The following PACSIN1 variants were observed in gnomAD, a reference collection of about 807,000 sequenced individuals.
The protein encoded by PACSIN1 is protein kinase C and casein kinase substrate in neurons 1.
PACSIN1 carries 15 observed loss-of-function variants against 59.5 expected under a neutral mutation model. That is an observed-to-expected ratio of 0.25 (90% CI 0.17 to 0.39). PACSIN1 has a LOEUF of 0.39. Among genes scored for constraint, PACSIN1 ranks in the 10% least tolerant of loss-of-function variants. The pLI is 1.00. For synonymous variants in PACSIN1, 210 were observed against 220.6 expected (o/e 0.95, Z 0.42); for missense variants, 420 against 580.2 (o/e 0.72, Z 2.84).
At chr6:34,496,774 A>C (rs1766953376) in intron 1 of PACSIN1, among the ~76,000 whole-genome samples, 1 of 152,124 alleles carries the variant, frequency 6.6e-6, no homozygotes, top group African/African-American at 2.4e-5. Context: ...TGTGGTCCCC[A>C]AGTTTTGTGG....
chr6:34,530,495 G>C lies in PACSIN1; in HGVS notation c.945G>C (p.Lys315Asn). 1 of 1,608,538 alleles carries C rather than the reference G, an allele frequency of 6.2e-7. No individual in the cohort carries two copies. The highest frequency in any genetic ancestry group is 8.5e-7 in the Non-Finnish European group (1 of 1,177,544). ...WNPDLPHTTT[K>N]KEKQPKKAEG... The stretch of plus-strand genomic sequence containing the variant: ...CAGACCTTCCTCACACCACCACCAA[G>C]AAGGAGAAACAGCCTAAGAAGGCAG... The change falls in exon 8 of 10, where the codon AAG becomes AAC. Residue 315 changes from lysine (K) to asparagine (N), a missense_variant. Physicochemically the swap from Lys to Asn is moderately conservative, Grantham distance 94. Transcript: ENST00000244458. This position sits in a 1 kb window ranked among gnomAD's most constrained non-coding sequence, Gnocchi z 4.4.
At chr6:34,466,763 G>C (rs986284786) in intron 1 of PACSIN1, among the ~76,000 whole-genome samples, 6 of 152,150 alleles carry the variant, frequency 3.9e-5, no homozygotes, top group Non-Finnish European at 8.8e-5. Flanking sequence ...AGCTGGGATG[G>C]GAGCGGGGAG....
chr6:34,468,814 G>GGGGTCTGTGGGGGCA (rs1766531907), intron 1 of PACSIN1, among the ~76,000 whole-genome samples: 1 of 152,214 alleles, frequency 6.6e-6, no homozygotes. Context: ...GCTGGGCTGT[G>GGGGTCTGTGGGGGCA]GGGTCTGTGG....
At position 34,466,584 on chromosome 6, in the gene PACSIN1, C is replaced by T. The variant is rs759366759; in HGVS notation, c.-64+314C>T. ...TCCTTGGGAAGCTGGGGCCTGGGCC[C>T]GGGCGGTCCGGGTCTCTGGACTGCT... On this transcript the variant is annotated intron_variant, in intron 1 of 9. Transcript: ENST00000244458. Among the ~76,000 whole-genome samples, 6 of 152,254 alleles carry T rather than the reference C, an allele frequency of 3.9e-5. No homozygotes were observed. The East Asian group carries it at 7.8e-4, about 20-fold the overall frequency.
chr6:34,467,116 C>T (rs1461609223), intron 1 of PACSIN1, among the ~76,000 whole-genome samples: 1 of 152,198 alleles, frequency 6.6e-6, no homozygotes, highest in African/African-American at 2.4e-5. Flanking sequence ...CAGCCCCTGG[C>T]ACAGCTGGGG....
intron 1 of PACSIN1, among the ~76,000 whole-genome samples, chr6:34,509,125 C>G (rs1157213355): frequency 3.9e-5 from 6 of 152,100 alleles, no homozygotes; most frequent in African/African-American, 1.4e-4. Flanking sequence ...ATATTTTCTT[C>G]TAGGAATTTT....
chr6:34,534,822 G>A lies in PACSIN1; in HGVS notation c.*2292G>A, dbSNP rs1360157760. 6.5e-6 allele frequency: 1 copy of A among 152,776 alleles called. No individual in the cohort carries two copies. Among genetic ancestry groups the A allele is most frequent in the Non-Finnish European group, 1.5e-5 (1 of 68,124 alleles). 9.5% of individuals were successfully genotyped at this position (152,776 alleles called of 1,614,324 possible). The stretch of plus-strand genomic sequence containing the variant: ...AAGTCCCCCTGAGCTCCAGGGCCCA[G>A]CCCTACCTGCCAGTGCTGGTGTCAG... On this transcript the variant is annotated 3_prime_UTR_variant, in exon 10 of 10. Transcript: ENST00000244458.
chr6:34,508,492 CCTG>C (rs1278385328), intron 1 of PACSIN1, among the ~76,000 whole-genome samples: 8 of 152,118 alleles, frequency 5.3e-5, no homozygotes, highest in Admixed American at 4.6e-4. Flanking sequence ...ATCTTGAACT[CCTG>C]AGCTCAAGCA....
chr6:34,496,183 T>C (rs72898464), intron 1 of PACSIN1, among the ~76,000 whole-genome samples: 2 of 152,310 alleles, frequency 1.3e-5, no homozygotes, highest in Non-Finnish European at 2.9e-5. Flanking sequence ...GCCCAGCACC[T>C]GGGCTGAGTG....
chr6:34,513,152 T>C (rs915750393), intron 1 of PACSIN1, among the ~76,000 whole-genome samples: 10 of 152,198 alleles, frequency 6.6e-5, no homozygotes, highest in Admixed American at 2.6e-4. Context: ...ATGGATGAAA[T>C]GCCCCATTTC....
At chr6:34,503,796 CAT>C (rs745832415) in intron 1 of PACSIN1, among the ~76,000 whole-genome samples, 3 of 152,160 alleles carry the variant, frequency 2.0e-5, no homozygotes, top group African/African-American at 7.2e-5. Flanking sequence ...AAGTATAACA[CAT>C]GTTAGCCATG....
intron 1 of PACSIN1, among the ~76,000 whole-genome samples, chr6:34,469,332 A>T (rs765702100): frequency 1.4e-4 from 21 of 152,218 alleles, no homozygotes; most frequent in Non-Finnish European, 2.8e-4. Context: ...CCCATTAGCC[A>T]CATCAGACCC....
intron 1 of PACSIN1, among the ~76,000 whole-genome samples, chr6:34,512,999 G>T (rs1054510022): frequency 6.6e-6 from 1 of 152,158 alleles, no homozygotes; most frequent in Admixed American, 6.5e-5. Flanking sequence ...CTGCAGGAGA[G>T]CCCTTGAGAC....
chr6:34,507,551 T>TA (rs57453362), intron 1 of PACSIN1, among the ~76,000 whole-genome samples: 4,817 of 144,268 alleles, frequency 0.033, 129 homozygotes, highest in East Asian at 0.12. Flanking sequence ...ACTTTTATTG[T>TA]AAAAAAAAAA....
chr6:34,515,591 G>C lies in PACSIN1; in HGVS notation c.-63-10652G>C, dbSNP rs1306782395. ...ACTGGGCTTAGAGCCCCCTGGTCAGGTCAGAGGCATCTACCTCCTGCCCCA... is the reference window on the plus strand; with the variant it reads ...ACTGGGCTTAGAGCCCCCTGGTCAGCTCAGAGGCATCTACCTCCTGCCCCA... On this transcript the variant is annotated intron_variant, in intron 1 of 9. Transcript: ENST00000244458. This position sits in a 1 kb window ranked among gnomAD's most constrained non-coding sequence, Gnocchi z 4.4. Among the ~76,000 whole-genome samples the C allele has an allele frequency of 6.6e-6, 1 of 152,146 alleles. No individual in the cohort carries two copies. Among genetic ancestry groups the C allele is most frequent in the Non-Finnish European group, 1.5e-5 (1 of 68,018 alleles).
At position 34,527,718 on chromosome 6, in the gene PACSIN1, T is replaced by A. The variant is rs149845498; in HGVS notation, c.220+230T>A. 5.9e-3 allele frequency: 2,182 copies of A among 369,400 alleles called. 14 individuals carry two copies. Among genetic ancestry groups the A allele is most frequent in the Admixed American group, 7.3e-3 (158 of 21,652 alleles). 22.9% of individuals were successfully genotyped at this position (369,400 alleles called of 1,614,324 possible). A position where few individuals can be genotyped will look rare whatever the true frequency, so the allele number is the denominator to read the frequency against. On this transcript the variant is annotated intron_variant, in intron 3 of 9. Transcript: ENST00000244458. ...AAAAACACTTTTTATCTTGAAATAA[T>A]TCAAACTTTGTGAAAGTTGCAACAG... is the stretch of plus-strand genomic sequence containing the variant.
At position 34,497,944 on chromosome 6, in the gene PACSIN1, A is replaced by G. The variant is rs185661963; in HGVS notation, c.-63-28299A>G. Among the ~76,000 whole-genome samples the G allele has an allele frequency of 2.0e-5, 3 of 152,344 alleles. No individual in the cohort carries two copies. In the East Asian group the frequency reaches 5.8e-4, roughly 29 times the overall value. On this transcript the variant is annotated intron_variant, in intron 1 of 9. Transcript: ENST00000244458. ...TTTCAGTGTAGTAGACAACGGTTTC[A>G]TTCCAGGCTGCCCATGGGAATCACC...
chr6:34,504,488 G>A (rs1036288460), intron 1 of PACSIN1, among the ~76,000 whole-genome samples: 7 of 151,750 alleles, frequency 4.6e-5, no homozygotes, highest in Non-Finnish European at 7.4e-5. Flanking sequence ...ACAGGGTTTC[G>A]CCCTGTTGGC....
intron 1 of PACSIN1, among the ~76,000 whole-genome samples, chr6:34,503,494 T>G (rs1317260917): frequency 1.3e-5 from 2 of 152,150 alleles, no homozygotes; most frequent in Non-Finnish European, 2.9e-5. Context: ...GAGCATGCAT[T>G]GAACACTGCT....
Sources: gnomAD v4.1 joint callset for allele counts (sites outside exome capture counted in the v4.1 genomes callset) on GRCh38, gnomAD v4.1.1 for gene constraint, Gnocchi (gnomAD v3.1) non-coding constraint, MANE v1.5 for transcripts, NCBI Gene and HGNC (gene_info 2026-07-23, HGNC 2026-07-21) for gene names.